ERBB3: variants seen among roughly 807,000 people sequenced by gnomAD.
ERBB3 encodes the protein receptor tyrosine-protein kinase erbB-3.
Under a neutral mutation model 156.7 loss-of-function variants are expected in ERBB3, and 96 were observed. The observed-to-expected ratio is 0.61, with a 90% CI of 0.52 to 0.73. The LOEUF (loss-of-function observed/expected upper bound fraction) is 0.73. Among genes scored for constraint, ERBB3 ranks in the 30% least tolerant of loss-of-function variants. ERBB3 has a pLI of 0.00. For missense variants in ERBB3, 1,406 were observed against 1,709.4 expected, an observed-to-expected ratio of 0.82 and a Z score of 3.13; for synonymous variants, 567 against 632.0, an observed-to-expected ratio of 0.90 and a Z score of 1.54.
intron 15 of ERBB3, 90 bp downstream of exon 15, chr12:56,094,646 G>A: frequency 2.0e-6 from 3 of 1,471,852 alleles, no homozygotes; most frequent in African/African-American, 1.4e-5. Context: ...GAGAGAGGCT[G>A]TGATTCAAGA....
At chr12:56,093,151 C>T in intron 11 of ERBB3, 75 bp downstream of exon 11, 1 of 1,279,100 alleles carries the variant, frequency 7.8e-7, no homozygotes, top group Non-Finnish European at 1.1e-6. Context: ...TAGTAAAATA[C>T]AAGGCACTGT....
rs2136787957 is a variant in ERBB3, at chr12:56,085,027, G to A, written c.267G>A (p.Val89=). 1 of 1,614,052 alleles carries A rather than the reference G, an allele frequency of 6.2e-7. No individual in the cohort carries two copies. The highest frequency in any genetic ancestry group is 8.5e-7 in the Non-Finnish European group (1 of 1,179,994). ...GAGAAGTGACAGGCTATGTCCTCGT[G>A]GCCATGAATGAATTCTCTACTCTAC... ...WIREVTGYVL[V]AMNEFSTLPL... Residue 89 remains valine, a synonymous_variant, in exon 3 of 28, where the codon GTG becomes GTA. Coordinates refer to ENST00000267101, the MANE Select transcript of ERBB3 (RefSeq NM_001982.4).
intron 17 of ERBB3, chr12:56,096,010 T>C: frequency 1.6e-6 from 1 of 627,824 alleles, no homozygotes. Context: ...GTCAGAGAAA[T>C]GGGAGGCATG....
intron 7 of ERBB3, 52 bp from the exon 8 acceptor site, chr12:56,088,491 G>C (rs2136796431): frequency 2.2e-6 from 3 of 1,349,024 alleles, no homozygotes; most frequent in Non-Finnish European, 3.2e-6. Context: ...TCCATTGGTA[G>C]CTGGTGATGT....
Position 56,103,364 on chromosome 12 carries a change from T to C in ERBB3, c.*1309T>C, listed in dbSNP as rs763487393. ...CATCCAGCAGTGAGAAGCTTCCAGG[T>C]AGGACAGAAAAAAGATCCAGCTTCA... On this transcript the variant is annotated 3_prime_UTR_variant, in exon 28 of 28. Coordinates refer to ENST00000267101, the MANE Select transcript of ERBB3 (RefSeq NM_001982.4). 2 of 218,910 alleles carry C rather than the reference T, an allele frequency of 9.1e-6. No individual in the cohort carries two copies. Among genetic ancestry groups the C allele is most frequent in the Non-Finnish European group, 1.8e-5 (2 of 109,090 alleles). The allele number at this position is 218,910 out of a possible 1,614,324, so 13.6% of individuals were successfully genotyped here. A position where few individuals can be genotyped will look rare whatever the true frequency, so the allele number is the denominator to read the frequency against.
In ERBB3 at chr12:56,088,731, C is replaced by T. The variant is rs145873700; in HGVS notation, c.989-17C>T. 2.8e-4 allele frequency: 445 copies of T among 1,614,138 alleles called. 5 individuals carry two copies. In the East Asian group the frequency reaches 5.5e-3, roughly 20 times the overall value. On this transcript the variant is annotated splice_polypyrimidine_tract_variant and intron_variant, in intron 8 of 27. Coordinates refer to ENST00000267101, the MANE Select transcript of ERBB3 (RefSeq NM_001982.4). The stretch of plus-strand genomic sequence containing the variant: ...CCTGCGCAGACCACCCCCACTGAAC[C>T]TCTCTTACATTTGCAGCCTGTGAGG...
intron 2 of ERBB3, 100 bp downstream of exon 2, chr12:56,084,002 C>T: frequency 8.3e-7 from 1 of 1,209,888 alleles, no homozygotes; most frequent in Non-Finnish European, 1.2e-6. Context: ...GTTCACCCTT[C>T]CTAAGACTCA....
Position 56,092,966 on chromosome 12 carries a change from G to C in ERBB3, c.1184-20G>C. ...AAAGAAGAAGGCTCCCTGCCCATAT[G>C]CCTCTCTCCAACCCCTCAGGTTACC... On this transcript the variant is annotated intron_variant, in intron 10 of 27. Coordinates refer to ENST00000267101, the MANE Select transcript of ERBB3 (RefSeq NM_001982.4). The C allele has an allele frequency of 3.1e-6, 5 of 1,603,108 alleles. No homozygotes were observed. Among genetic ancestry groups the C allele is most frequent in the Non-Finnish European group, 4.3e-6 (5 of 1,169,966 alleles).
At chr12:56,099,069 C>G in intron 23 of ERBB3, 164 bp downstream of exon 23, 1 of 661,930 alleles carries the variant, frequency 1.5e-6, no homozygotes, top group South Asian at 2.0e-5. Context: ...AGAGATTCTC[C>G]TGCTTCAGCC....
rs922150399 is a variant in ERBB3 at position 56,096,797 on chromosome 12, A to G, written c.2225A>G (p.Lys742Arg). Residue 742 changes from lysine (K) to arginine (R), a missense_variant, in exon 19 of 28, where the codon AAA becomes AGA. Lys to Arg is a conservative substitution (Grantham distance 26). Coordinates refer to ENST00000267101, the MANE Select transcript of ERBB3 (RefSeq NM_001982.4). The stretch of plus-strand genomic sequence containing the variant: ...TCAATCAAGATTCCAGTCTGCATTA[A>G]AGTCATTGAGGACAAGAGTGGACGG... ...GESIKIPVCI[K>R]VIEDKSGRQS... 3.1e-6 allele frequency: 5 copies of G among 1,614,142 alleles called. No homozygotes were observed. The highest frequency in any genetic ancestry group is 4.2e-6 in the Non-Finnish European group (5 of 1,180,008).
rs1868894306 is a variant in ERBB3 at position 56,096,534 on chromosome 12, C to A, written c.2087C>A (p.Ala696Asp). ...SIEPLDPSEK[A>D]NKVLARIFKE... ...GAGCCTCTGGACCCCAGTGAGAAGG[C>A]TAACAAAGTCTTGGCCAGAATCTTC... The change falls in exon 18 of 28, where the codon GCT becomes GAT. Residue 696 changes from alanine (A) to aspartate (D), a missense_variant. Physicochemically the swap from Ala to Asp is moderately radical, Grantham distance 126 (BLOSUM62 -2). Transcript: ENST00000267101. 1 of 1,614,138 alleles carries A rather than the reference C, an allele frequency of 6.2e-7. No individual in the cohort carries two copies. Among genetic ancestry groups the A allele is most frequent in the Non-Finnish European group, 8.5e-7 (1 of 1,180,024 alleles).
intron 15 of ERBB3, 84 bp from the exon 16 acceptor site, chr12:56,095,173 G>C: frequency 9.0e-7 from 1 of 1,108,272 alleles, no homozygotes; most frequent in Non-Finnish European, 1.4e-6. Context: ...GGTAAGTTCT[G>C]AAACAAGCTT....
intron 13 of ERBB3, 79 bp from the exon 14 acceptor site, chr12:56,094,020 G>C: frequency 6.4e-7 from 1 of 1,555,484 alleles, no homozygotes. Flanking sequence ...ATTGAGGTAG[G>C]AGACCTGTGG....
chr12:56,095,360 A>G (rs767946969), intron 16 of ERBB3, 50 bp downstream of exon 16: 14 of 1,487,998 alleles, frequency 9.4e-6, no homozygotes, highest in African/African-American at 1.4e-5. Context: ...GGGAGTTGGG[A>G]GAGAGGTGGT....
Position 56,086,532 on chromosome 12 carries a change from G to T in ERBB3, c.423G>T (p.Glu141Asp). The change falls in exon 4 of 28, where the codon GAG becomes GAT. Residue 141 changes from glutamate (E) to aspartate (D), a missense_variant and splice_region_variant. Glu to Asp is a conservative substitution (Grantham distance 45, BLOSUM62 2). Transcript: ENST00000267101. ...LRQLRLTQLT[E>D]ILSGGVYIEK... ...CTGTCACTTCTTTCCCTACCTCAGA[G>T]ATTCTGTCAGGGGGTGTTTATATTG... 6.2e-7 allele frequency: 1 copy of T among 1,614,128 alleles called. No individual in the cohort carries two copies. Among genetic ancestry groups the T allele is most frequent in the Non-Finnish European group, 8.5e-7 (1 of 1,180,008 alleles).
intron 26 of ERBB3, 102 bp from the exon 27 acceptor site, chr12:56,100,959 A>G (rs1378662379): frequency 8.2e-6 from 7 of 851,088 alleles, no homozygotes; most frequent in Non-Finnish European, 1.2e-5. Context: ...AAAAAAAAAA[A>G]AAAAAGGCAG....
chr12:56,097,646 T>C (rs1369771532), intron 20 of ERBB3, 139 bp from the exon 21 acceptor site: 3 of 880,802 alleles, frequency 3.4e-6, no homozygotes, highest in Non-Finnish European at 5.6e-6. Flanking sequence ...GGAAAAACTG[T>C]CTTCCACAAA....
chr12:56,095,443 G>A (rs1469287126), intron 16 of ERBB3, 133 bp downstream of exon 16: 4 of 900,976 alleles, frequency 4.4e-6, no homozygotes, highest in African/African-American at 1.7e-5. Flanking sequence ...CTGGACACTT[G>A]GGACTCAAGA....
In ERBB3 at chr12:56,092,809, G is replaced by A. The variant is rs776526512; in HGVS notation, c.1172G>A (p.Arg391Gln). Reference sequence around the variant, plus strand: ...AAGCTCAATGTCTTCCGGACAGTACGGGAGATCACAGGTGAGTGGCAGAGA... The same window carrying A: ...AAGCTCAATGTCTTCCGGACAGTACAGGAGATCACAGGTGAGTGGCAGAGA... ...PEKLNVFRTV[R>Q]EITGYLNIQS... is the part of the protein sequence containing the mutation. The change falls in exon 10 of 28, where the codon CGG (arginine) becomes CAG (glutamine). Residue 391 changes from arginine (R) to glutamine (Q), a missense_variant. Arg to Gln is a conservative substitution (Grantham distance 43). Around this residue, in one of 3 missense-constraint regions of ERBB3, gnomAD observed 979 missense variants for 1,219.6 expected, o/e 0.80. Transcript: ENST00000267101. 6 of 1,613,938 alleles carry A rather than the reference G, an allele frequency of 3.7e-6. No homozygotes were observed. Among genetic ancestry groups the A allele is most frequent in the Middle Eastern group, 1.6e-4 (1 of 6,084 alleles).
Sources: allele counts gnomAD v4.1 joint callset, GRCh38; gene constraint gnomAD v4.1.1; regional missense constraint gnomAD v4.1.1; transcripts MANE v1.5; gene names NCBI Gene and HGNC (gene_info 2026-07-23, HGNC 2026-07-21).